GALNT13: variants seen among roughly 807,000 people sequenced by gnomAD.
The protein encoded by GALNT13 is polypeptide N-acetylgalactosaminyltransferase 13.
GALNT13 carries 28 observed loss-of-function variants against 64.2 expected under a neutral mutation model. The observed-to-expected ratio is 0.44, with a 90% CI of 0.32 to 0.60. GALNT13 has a LOEUF of 0.60. Among genes scored for constraint, GALNT13 ranks in the 20% least tolerant of loss-of-function variants. The pLI is 0.05. For missense variants in GALNT13, 577 were observed against 669.8 expected, an observed-to-expected ratio of 0.86 and a Z score of 1.53; for synonymous variants, 214 against 224.6, an observed-to-expected ratio of 0.95 and a Z score of 0.42.
chr2:154,136,102 G>A (rs1682935085), intron 3 of GALNT13, among the ~76,000 whole-genome samples: 1 of 152,184 alleles, frequency 6.6e-6, no homozygotes, highest in South Asian at 2.1e-4. Context: ...CTAAAAGTCA[G>A]TGTTTCTAAT....
chr2:153,383,049 C>A, the GALNT13 span, among the ~76,000 whole-genome samples: 1 of 151,940 alleles, frequency 6.6e-6, no homozygotes, highest in African/African-American at 2.4e-5. Context: ...AAATTCATTT[C>A]TTTATCCATC....
At chr2:153,191,760 GTT>G in the GALNT13 span, among the ~76,000 whole-genome samples, 3 of 151,492 alleles carry the variant, frequency 2.0e-5, no homozygotes, top group South Asian at 2.1e-4. Context: ...GGTTGTTCCG[GTT>G]TTCTGTTTCT....
the GALNT13 span, among the ~76,000 whole-genome samples, chr2:153,722,520 C>T: frequency 6.7e-6 from 1 of 149,298 alleles, no homozygotes; most frequent in Non-Finnish European, 1.5e-5. Context: ...AATCCAGGAG[C>T]TGGTTTTTTG....
intron 3 of GALNT13, among the ~76,000 whole-genome samples, chr2:154,007,741 T>C (rs765564986): frequency 1.3e-5 from 2 of 151,966 alleles, no homozygotes; most frequent in Non-Finnish European, 2.9e-5. Flanking sequence ...TTCTATACTT[T>C]AGATTTTTTG....
intron 9 of GALNT13, among the ~76,000 whole-genome samples, chr2:154,358,027 C>A (rs1696848017): frequency 6.6e-6 from 1 of 151,928 alleles, no homozygotes; most frequent in Admixed American, 6.6e-5. Flanking sequence ...TGGAATGTGC[C>A]CTTCCAAACT....
At chr2:154,074,204 A>G (rs555813238) in intron 3 of GALNT13, among the ~76,000 whole-genome samples, 1 of 151,904 alleles carries the variant, frequency 6.6e-6, no homozygotes, top group Non-Finnish European at 1.5e-5. Flanking sequence ...GAGAGCTGCT[A>G]TACCACATTT....
chr2:154,435,286 G>C (rs765110631), intron 11 of GALNT13, among the ~76,000 whole-genome samples: 10 of 152,202 alleles, frequency 6.6e-5, no homozygotes, highest in Non-Finnish European at 1.5e-4. Context: ...GTATCGTGTA[G>C]TTATCAGTAT....
chr2:153,333,190 G>T, the GALNT13 span, among the ~76,000 whole-genome samples: 1 of 152,202 alleles, frequency 6.6e-6, no homozygotes, highest in African/African-American at 2.4e-5. Flanking sequence ...CTCAGTCCTG[G>T]ATTGGGAAAA....
At chr2:153,884,825 A>ATGTG (rs1344111377) in intron 1 of GALNT13, among the ~76,000 whole-genome samples, 1 of 112,602 alleles carries the variant, frequency 8.9e-6, no homozygotes, top group African/African-American at 4.2e-5. Context: ...GTGTGTATAT[A>ATGTG]TATGTGTGTG....
chr2:153,675,174 G>A, the GALNT13 span, among the ~76,000 whole-genome samples: 1 of 152,178 alleles, frequency 6.6e-6, no homozygotes, highest in Non-Finnish European at 1.5e-5. Context: ...AATACCATTT[G>A]GCCCAGCAAT....
chr2:153,074,446 G>C, the GALNT13 span, among the ~76,000 whole-genome samples: 17 of 152,120 alleles, frequency 1.1e-4, no homozygotes, highest in Admixed American at 1.1e-3. Flanking sequence ...CCTGAGAAAT[G>C]AATCACTGGG....
the GALNT13 span, among the ~76,000 whole-genome samples, chr2:153,746,752 T>C: frequency 6.6e-6 from 1 of 152,192 alleles, no homozygotes; most frequent in Admixed American, 6.6e-5. Flanking sequence ...CCAATAATTA[T>C]TACTTTCCAT....
the GALNT13 span, among the ~76,000 whole-genome samples, chr2:153,480,240 C>A: frequency 2.0e-5 from 3 of 152,062 alleles, no homozygotes; most frequent in South Asian, 4.1e-4. Context: ...TTGGTAAATC[C>A]TCTTATTTCT....
the GALNT13 span, among the ~76,000 whole-genome samples, chr2:153,400,929 G>A: frequency 1.3e-5 from 2 of 151,664 alleles, no homozygotes; most frequent in Non-Finnish European, 2.9e-5. Context: ...ATTTCCTTCA[G>A]TTCTGCTCTG....
the GALNT13 span, among the ~76,000 whole-genome samples, chr2:153,176,998 C>CA: frequency 1.3e-5 from 2 of 151,982 alleles, no homozygotes; most frequent in African/African-American, 4.8e-5. Context: ...AAGAATTGCA[C>CA]AGGAAGTTTC....
At chr2:153,501,401 G>A in the GALNT13 span, among the ~76,000 whole-genome samples, 1 of 151,756 alleles carries the variant, frequency 6.6e-6, no homozygotes, top group Non-Finnish European at 1.5e-5. Context: ...GCACAATCTC[G>A]GCTCACTTCA....
chr2:153,841,409 G>T, the GALNT13 span, among the ~76,000 whole-genome samples: 10 of 152,176 alleles, frequency 6.6e-5, no homozygotes, highest in East Asian at 1.7e-3. Flanking sequence ...GTATGAATGG[G>T]TAGCTAATAT....
At chr2:153,840,072 A>T in the GALNT13 span, among the ~76,000 whole-genome samples, 6 of 152,100 alleles carry the variant, frequency 3.9e-5, no homozygotes, top group Admixed American at 1.3e-4. Flanking sequence ...TGGGTGGCAC[A>T]TTGTAGTTAT....
At chr2:153,345,712 TCTTTCTG>T in the GALNT13 span, among the ~76,000 whole-genome samples, 9 of 127,134 alleles carry the variant, frequency 7.1e-5, 1 homozygote, top group East Asian at 1.7e-3. Flanking sequence ...TCTCTTTCTC[TCTTTCTG>T]TCCTTCCTTC....
Sources: allele counts gnomAD v4.1 joint callset (sites outside exome capture counted in the v4.1 genomes callset), GRCh38; gene constraint gnomAD v4.1.1; transcripts MANE v1.5; gene names NCBI Gene and HGNC (gene_info 2026-07-23, HGNC 2026-07-21).